Variants in PLSCR5 observed in about 807,000 individuals in gnomAD.
PLSCR5 encodes phospholipid scramblase family, member 5.
Under a neutral mutation model 33.6 loss-of-function variants are expected in PLSCR5, and 44 were observed. The ratio of observed to expected loss-of-function variants is 1.31; its 90% CI spans 1.03 to 1.69. The LOEUF (loss-of-function observed/expected upper bound fraction) is 1.69. Among genes scored for constraint, PLSCR5 ranks in the 40% most tolerant of loss-of-function variants. The pLI is 0.00. For missense variants in PLSCR5, 375 were observed against 318.7 expected (o/e 1.18, Z -1.34); for synonymous variants, 148 against 112.3 (o/e 1.32, Z -2.01).
At chr3:146,595,666 G>A (rs1047524494) in intron 2 of PLSCR5, among the ~76,000 whole-genome samples, 3 of 152,124 alleles carry the variant, frequency 2.0e-5, no homozygotes, top group South Asian at 2.1e-4. Flanking sequence ...TGTTAACTCC[G>A]CAATAATGAG....
chr3:146,578,412 G>T (rs546713221), intron 7 of PLSCR5, among the ~76,000 whole-genome samples: 1 of 152,154 alleles, frequency 6.6e-6, no homozygotes, highest in East Asian at 1.9e-4. Context: ...ATATTGATGA[G>T]AATATTATTA....
chr3:146,589,523 T>C (rs573455883), intron 6 of PLSCR5, 130 bp downstream of exon 6: 2 of 921,836 alleles, frequency 2.2e-6, no homozygotes, highest in Admixed American at 3.8e-5. Context: ...ACATTGGTCC[T>C]AAGCTATCCT....
At chr3:146,589,548 A>C in intron 6 of PLSCR5, 105 bp downstream of exon 6, 1 of 1,117,396 alleles carries the variant, frequency 8.9e-7, no homozygotes, top group Non-Finnish European at 1.2e-6. Flanking sequence ...TGAATAAAAT[A>C]TACTCTTTGG....
At chr3:146,592,739 C>T (rs868139245) in intron 4 of PLSCR5, among the ~76,000 whole-genome samples, 13 of 151,962 alleles carry the variant, frequency 8.6e-5, no homozygotes, top group African/African-American at 2.9e-4. Context: ...TATTAATTTG[C>T]TATTGATCAA....
In PLSCR5 at chr3:146,585,945, A is replaced by T; in HGVS notation, c.*45-3T>A. The T allele has an allele frequency of 9.8e-7, 1 of 1,015,788 alleles. No individual in the cohort carries two copies. The highest frequency in any genetic ancestry group is 1.3e-6 in the Non-Finnish European group (1 of 741,286). The allele number at this position is 1,015,788 out of a possible 1,614,324, so 62.9% of individuals were successfully genotyped here. On this transcript the variant is annotated splice_region_variant and splice_polypyrimidine_tract_variant and intron_variant, in intron 7 of 7. Coordinates refer to ENST00000443512, the MANE Select transcript of PLSCR5 (RefSeq NM_001085420.2). ...GAAATCCAGAGCCCAAGGGATTTCT[A>T]GAAGAAAATGAAAAAGAGTTAGATA... is the stretch of plus-strand genomic sequence containing the variant.
intron 2 of PLSCR5, among the ~76,000 whole-genome samples, chr3:146,599,244 A>G (rs993787356): frequency 6.6e-6 from 1 of 152,218 alleles, no homozygotes; most frequent in Non-Finnish European, 1.5e-5. Flanking sequence ...CAATGACTAG[A>G]ACAGTGACTA....
downstream of PLSCR5, among the ~76,000 whole-genome samples, chr3:146,582,776 A>G (rs1225170167): frequency 2.0e-5 from 3 of 152,240 alleles, no homozygotes; most frequent in Non-Finnish European, 4.4e-5. Context: ...GTGTAATTAA[A>G]TGATTACCAA....
At position 146,585,858 on chromosome 3, in the gene PLSCR5, A is replaced by G; in HGVS notation, c.*129T>C. 2.6e-6 allele frequency: 1 copy of G among 390,106 alleles called. No individual in the cohort carries two copies. The highest frequency in any genetic ancestry group is 4.4e-6 in the Non-Finnish European group (1 of 229,040). The allele number at this position is 390,106 out of a possible 1,614,324, so 24.2% of individuals were successfully genotyped here. A position where few individuals can be genotyped will look rare whatever the true frequency, so the allele number is the denominator to read the frequency against. On this transcript the variant is annotated 3_prime_UTR_variant, in exon 8 of 8. Transcript: ENST00000443512. ...ATAATTGCCTCATTAAACTGTTTTA[A>G]TAAATATAATAATTAACATTTTTTT...
intron 7 of PLSCR5, among the ~76,000 whole-genome samples, chr3:146,576,938 A>T (rs1576813431): frequency 6.6e-6 from 1 of 152,166 alleles, no homozygotes; most frequent in East Asian, 1.9e-4. Context: ...TTTTGTCAGC[A>T]TTAGAAAAGA....
At chr3:146,593,824 G>T in intron 4 of PLSCR5, 96 bp downstream of exon 4, 1 of 1,078,934 alleles carries the variant, frequency 9.3e-7, no homozygotes, top group Non-Finnish European at 1.4e-6. Flanking sequence ...AAAACAACTG[G>T]CAGGTTAATT....
At chr3:146,582,853 T>A (rs1286416945), downstream of PLSCR5, among the ~76,000 whole-genome samples, 3 of 152,244 alleles carry the variant, frequency 2.0e-5, no homozygotes, top group Non-Finnish European at 4.4e-5. Context: ...ATTACTATTG[T>A]AGAAACTAAG....
chr3:146,597,914 A>T (rs1240899917), intron 2 of PLSCR5, among the ~76,000 whole-genome samples: 1 of 152,154 alleles, frequency 6.6e-6, no homozygotes, highest in Non-Finnish European at 1.5e-5. Flanking sequence ...TGTTTTGTAG[A>T]CTTTAACTCA....
At chr3:146,596,435 C>T (rs1284901502) in intron 2 of PLSCR5, among the ~76,000 whole-genome samples, 1 of 152,202 alleles carries the variant, frequency 6.6e-6, no homozygotes, top group East Asian at 1.9e-4. Flanking sequence ...AAGTGATCCA[C>T]CCATCTCAGC....
intron 2 of PLSCR5, among the ~76,000 whole-genome samples, chr3:146,600,027 T>C (rs887578887): frequency 6.6e-6 from 1 of 152,174 alleles, no homozygotes; most frequent in Non-Finnish European, 1.5e-5. Flanking sequence ...TGGATAAATA[T>C]GCTAAACAGC....
At chr3:146,579,885 T>C (rs1576814497) in intron 7 of PLSCR5, among the ~76,000 whole-genome samples, 1 of 152,210 alleles carries the variant, frequency 6.6e-6, no homozygotes, top group South Asian at 2.1e-4. Context: ...ATTCTGATCT[T>C]ATGCAACCTC....
intron 2 of PLSCR5, among the ~76,000 whole-genome samples, chr3:146,598,093 G>T (rs921841396): frequency 1.3e-5 from 2 of 152,014 alleles, no homozygotes; most frequent in Non-Finnish European, 2.9e-5. Context: ...TTTTCAAATT[G>T]TTCATGGAAA....
Position 146,594,050 on chromosome 3 carries a change from A to AAGC in PLSCR5, c.320_322dup (p.Cys107dup). 6.2e-7 allele frequency: 1 copy of AAGC among 1,613,788 alleles called. No homozygotes were observed. Among genetic ancestry groups the AAGC allele is most frequent in the Non-Finnish European group, 8.5e-7 (1 of 1,179,760 alleles). ...CAGAGTGGAACAGAAAGTACGATTG[A>AAGC]AGCAGATGCTTTCCTCCACTGCAAA... On this transcript the variant is annotated inframe_insertion, in exon 4 of 8. Transcript: ENST00000443512.
intron 1 of PLSCR5, among the ~76,000 whole-genome samples, chr3:146,603,039 T>G (rs896578066): frequency 4.6e-5 from 7 of 152,102 alleles, no homozygotes; most frequent in African/African-American, 1.7e-4. Context: ...ATCACCGTGT[T>G]TGAGAGCAAC....
intron 1 of PLSCR5, among the ~76,000 whole-genome samples, chr3:146,601,764 A>AG (rs982868367): frequency 2.0e-5 from 3 of 152,090 alleles, no homozygotes; most frequent in Non-Finnish European, 2.9e-5. Context: ...TGTGTGGGGC[A>AG]GGGGGGTGGT....
Sources: allele counts gnomAD v4.1 joint callset (sites outside exome capture counted in the v4.1 genomes callset), GRCh38; gene constraint gnomAD v4.1.1; transcripts MANE v1.5; gene names NCBI Gene and HGNC (gene_info 2026-07-23, HGNC 2026-07-21).